Variants in MACROH2A1 observed in about 807,000 individuals in gnomAD.
The protein encoded by MACROH2A1 is core histone macro-H2A.1.
In MACROH2A1, 2 loss-of-function variants were observed where a neutral mutation model predicts 31.6. That is an observed-to-expected ratio of 0.06 (90% CI 0.03 to 0.20). The LOEUF (loss-of-function observed/expected upper bound fraction) is 0.20, where lower values mean the gene tolerates loss of function less well. Among genes scored for constraint, MACROH2A1 ranks in the 10% least tolerant of loss-of-function variants. The probability of loss-of-function intolerance (pLI) is 1.00; values close to 1 mark genes in which losing one functional copy is unlikely to be tolerated. For synonymous variants in MACROH2A1, 169 were observed against 189.6 expected (o/e 0.89, Z 0.89); for missense variants, 230 against 474.0 (o/e 0.49, Z 4.78).
intron 5 of MACROH2A1, chr5:135,359,658 G>C (rs551349727): frequency 1.0e-6 from 1 of 985,126 alleles, no homozygotes; most frequent in Non-Finnish European, 1.2e-6. Context: ...GACAGTGAGG[G>C]TTTAAAAATG....
At position 135,334,845 on chromosome 5, in the gene MACROH2A1, C is replaced by CTTA; in HGVS notation, c.*128_*130dup. ...AAACAATTAAACTGGAAACCAAAGC[C>CTTA]TTATTTTCCCTAGATGAGCAAAACT... On this transcript the variant is annotated 3_prime_UTR_variant, in exon 9 of 9. Coordinates refer to ENST00000511689, the MANE Select transcript of MACROH2A1 (RefSeq NM_138610.3). 1.3e-6 allele frequency: 1 copy of CTTA among 753,420 alleles called. No individual in the cohort carries two copies. The allele number at this position is 753,420 out of a possible 1,614,324, so 46.7% of individuals were successfully genotyped here. A position where few individuals can be genotyped will look rare whatever the true frequency, so the allele number is the denominator to read the frequency against.
At chr5:135,353,460 C>T in intron 5 of MACROH2A1, 1 of 182,402 alleles carries the variant, frequency 5.5e-6, no homozygotes, top group Non-Finnish European at 1.1e-5. Flanking sequence ...TAACATCCTA[C>T]CTGGCTTGGG....
intron 1 of MACROH2A1, among the ~76,000 whole-genome samples, chr5:135,393,905 T>TA (rs1303227417): frequency 6.6e-6 from 1 of 152,204 alleles, no homozygotes; most frequent in Non-Finnish European, 1.5e-5. Flanking sequence ...CAAACTTTTA[T>TA]AGAGGAGCTG....
At chr5:135,360,655 T>C in intron 4 of MACROH2A1, 48 bp from the exon 5 acceptor site, 1 of 1,319,294 alleles carries the variant, frequency 7.6e-7, no homozygotes, top group Non-Finnish European at 1.1e-6. Flanking sequence ...GACACAGGCA[T>C]CCTAATAGAG....
At chr5:135,368,911 A>T (rs915676763) in intron 4 of MACROH2A1, among the ~76,000 whole-genome samples, 3 of 152,198 alleles carry the variant, frequency 2.0e-5, no homozygotes, top group Middle Eastern at 3.2e-3. Flanking sequence ...TGAGTAATAC[A>T]TCCATTTTCC....
At chr5:135,361,064 A>C in intron 4 of MACROH2A1, 1 of 279,884 alleles carries the variant, frequency 3.6e-6, no homozygotes, top group South Asian at 3.3e-5. Flanking sequence ...AGAAGGTCAG[A>C]CTCGCTTCCA....
intron 5 of MACROH2A1, chr5:135,353,593 C>T (rs1468144822): frequency 6.6e-6 from 1 of 152,376 alleles, no homozygotes; most frequent in Non-Finnish European, 1.5e-5. Context: ...TGAGAATAGT[C>T]TCTTGCTTAG....
intron 2 of MACROH2A1, among the ~76,000 whole-genome samples, chr5:135,374,088 G>A (rs1272206286): frequency 1.3e-5 from 2 of 152,078 alleles, no homozygotes; most frequent in African/African-American, 4.8e-5. Context: ...GAAAATGGAG[G>A]GTGCCCGACT....
chr5:135,378,594 G>A (rs1355167201), intron 2 of MACROH2A1, among the ~76,000 whole-genome samples: 2 of 152,196 alleles, frequency 1.3e-5, no homozygotes, highest in Non-Finnish European at 1.5e-5. Context: ...CAAGACAAAG[G>A]AAATGCCAAG....
upstream of MACROH2A1, chr5:135,399,797 G>A (rs1001679582): frequency 6.6e-6 from 1 of 152,286 alleles, no homozygotes; most frequent in African/African-American, 2.4e-5. This position sits in a 1 kb window ranked among gnomAD's most constrained non-coding sequence, Gnocchi z 4.5. Context: ...CCGAAGTCTG[G>A]AACCTGCCTT....
rs188700504 is a variant in MACROH2A1, at chr5:135,337,677, G to A, written c.954-2536C>T. ...AGAACTGCTGTTCTACAAATAGCCA[G>A]CATGGACTTTATAATCCAAGCTGGC... On this transcript the variant is annotated intron_variant, in intron 8 of 8. Coordinates refer to ENST00000511689, the MANE Select transcript of MACROH2A1 (RefSeq NM_138610.3). Among the ~76,000 whole-genome samples the A allele has an allele frequency of 6.6e-5, 10 of 152,368 alleles. No homozygotes were observed. In the East Asian group the frequency reaches 1.5e-3, roughly 23 times the overall value.
chr5:135,348,211 C>A (rs1002425016), intron 6 of MACROH2A1, among the ~76,000 whole-genome samples: 1 of 152,182 alleles, frequency 6.6e-6, no homozygotes, highest in Non-Finnish European at 1.5e-5. Flanking sequence ...TACTTTTTAA[C>A]AAGAAACAGG....
chr5:135,345,436 C>A (rs1042888101), intron 7 of MACROH2A1: 6 of 155,790 alleles, frequency 3.9e-5, no homozygotes, highest in African/African-American at 7.2e-5. Context: ...CCTGCACACC[C>A]CAAATGACCA....
chr5:135,370,631 T>C (rs1167662825), intron 2 of MACROH2A1, among the ~76,000 whole-genome samples: 1 of 152,210 alleles, frequency 6.6e-6, no homozygotes, highest in East Asian at 1.9e-4. Context: ...CCTGCACATC[T>C]GGATGCAAAA....
intron 4 of MACROH2A1, chr5:135,361,428 G>A (rs1490833102): frequency 1.3e-5 from 2 of 151,376 alleles, no homozygotes; most frequent in Admixed American, 1.3e-4. Flanking sequence ...ACACCACTGT[G>A]GGAGTAGGGA....
At position 135,357,899 on chromosome 5, in the gene MACROH2A1, C is replaced by A. The variant is rs1762369978; in HGVS notation, c.588+2598G>T. 14 of 985,046 alleles carry A rather than the reference C, an allele frequency of 1.4e-5. No individual in the cohort carries two copies. The South Asian group carries it at 6.6e-4, about 46-fold the overall frequency. 61.0% of individuals were successfully genotyped at this position (985,046 alleles called of 1,614,324 possible). A position where few individuals can be genotyped will look rare whatever the true frequency, so the allele number is the denominator to read the frequency against. Reference sequence around the variant, plus strand: ...CATGCTTCCTGAGTAGCTTAGCAACCATGCCTTACAGGGCTGTAGCATGCA... The same window carrying A: ...CATGCTTCCTGAGTAGCTTAGCAACAATGCCTTACAGGGCTGTAGCATGCA... On this transcript the variant is annotated intron_variant, in intron 5 of 8. Coordinates refer to ENST00000511689, the MANE Select transcript of MACROH2A1 (RefSeq NM_138610.3).
At chr5:135,373,625 G>A (rs918646945) in intron 2 of MACROH2A1, among the ~76,000 whole-genome samples, 7 of 152,200 alleles carry the variant, frequency 4.6e-5, no homozygotes, top group Admixed American at 2.0e-4. Flanking sequence ...ATAAGGAGGG[G>A]CAGAAGGAGG....
At chr5:135,394,665 A>C (rs1767716994) in intron 1 of MACROH2A1, among the ~76,000 whole-genome samples, 1 of 152,092 alleles carries the variant, frequency 6.6e-6, no homozygotes, top group Non-Finnish European at 1.5e-5. Context: ...ATTGCCAGTC[A>C]CTCTAGATCC....
At chr5:135,381,718 A>C (rs1765679431) in intron 2 of MACROH2A1, among the ~76,000 whole-genome samples, 1 of 152,282 alleles carries the variant, frequency 6.6e-6, no homozygotes, top group South Asian at 2.1e-4. Context: ...TTAATACAGC[A>C]GATTAGATAC....
Sources: allele counts gnomAD v4.1 joint callset (sites outside exome capture counted in the v4.1 genomes callset), GRCh38; gene constraint gnomAD v4.1.1; non-coding constraint Gnocchi (gnomAD v3.1); transcripts MANE v1.5; gene names NCBI Gene and HGNC (gene_info 2026-07-23, HGNC 2026-07-21).